Variants in USF2 observed in about 807,000 individuals in gnomAD.
USF2 encodes upstream stimulatory factor 2.
A neutral mutation model predicts 46.9 loss-of-function variants in USF2; 16 were observed. That is an observed-to-expected ratio of 0.34 (90% CI 0.23 to 0.52). The LOEUF (loss-of-function observed/expected upper bound fraction) is 0.52. Among genes scored for constraint, USF2 ranks in the 20% least tolerant of loss-of-function variants. The pLI, the probability that USF2 is intolerant of heterozygous loss-of-function variation, is 0.96. For missense variants in USF2, 411 were observed against 474.0 expected, an observed-to-expected ratio of 0.87 and a Z score of 1.23; for synonymous variants, 239 against 194.1, an observed-to-expected ratio of 1.23 and a Z score of -1.92.
rs1477529917 is a variant in USF2 at position 35,269,833 on chromosome 19, G to A, written c.259G>A (p.Gly87Ser). The change falls in exon 4 of 10, where the codon GGT (glycine) becomes AGT (serine). Residue 87 changes from glycine to serine, a missense_variant. By Grantham distance (56) the Gly-to-Ser change is moderately conservative. Transcript: ENST00000222305. ...VTYRVVQVTD[G>S]QLDGQGDTAG... is the part of the protein sequence containing the mutation. ...ATACCGCGTAGTCCAGGTGACTGATGGTCAGCTGGACGGCCAGGGCGACAC... is the reference window on the plus strand; with the variant it reads ...ATACCGCGTAGTCCAGGTGACTGATAGTCAGCTGGACGGCCAGGGCGACAC... The A allele has an allele frequency of 4.8e-6, 7 of 1,454,562 alleles. No individual in the cohort carries two copies. The Admixed American group carries it at 1.9e-4, about 40-fold the overall frequency. 90.1% of individuals were successfully genotyped at this position (1,454,562 alleles called of 1,614,324 possible). A position where few individuals can be genotyped will look rare whatever the true frequency, so the allele number is the denominator to read the frequency against.
At chr19:35,273,889 C>T (rs1187987082) in intron 7 of USF2, among the ~76,000 whole-genome samples, 4 of 152,246 alleles carry the variant, frequency 2.6e-5, no homozygotes, top group East Asian at 1.9e-4. Flanking sequence ...AGGTGTATGA[C>T]TTGTGAGGCC....
At position 35,269,068 on chromosome 19, in the gene USF2, CGGGCCCCGCGCCCCCCCCGCCCCCG is replaced by C; in HGVS notation, c.-33_-9del. ...CCCTCCCCTCCCCTCCCCTCCCCCC[CGGGCCCCGCGCCCCCCCCGCCCCCG>C]CCCCCCCCATGGACATGCTGGACCC... On this transcript the variant is annotated 5_prime_UTR_variant, in exon 1 of 10. Transcript: ENST00000222305. 1 of 73,752 alleles carries C rather than the reference CGGGCCCCGCGCCCCCCCCGCCCCCG, an allele frequency of 1.4e-5. No individual in the cohort carries two copies. The highest frequency in any genetic ancestry group is 2.9e-5 in the Non-Finnish European group (1 of 34,244). 4.6% of individuals were successfully genotyped at this position (73,752 alleles called of 1,614,324 possible).
chr19:35,270,157 C>T (rs1272143375), intron 4 of USF2, 154 bp downstream of exon 4: 5 of 1,016,312 alleles, frequency 4.9e-6, no homozygotes, highest in African/African-American at 3.3e-5. Context: ...TGTTGTGCAC[C>T]GTGAAACCTG....
At position 35,271,090 on chromosome 19, in the gene USF2, G is replaced by T; in HGVS notation, c.676G>T (p.Asp226Tyr). Residue 226 changes from aspartate (D) to tyrosine (Y), a missense_variant, in exon 7 of 10, where the codon GAT (aspartate) becomes TAT (tyrosine). By Grantham distance (160) the Asp-to-Tyr change is radical. Around this residue, in one of 2 missense-constraint regions of USF2, gnomAD observed 318 missense variants for 322.4 expected, o/e 0.99. Coordinates refer to ENST00000222305, the MANE Select transcript of USF2 (RefSeq NM_003367.4). ...TTTTTCCTCCTCTTGTAGAAAAATT[G>T]ATGGAACCAGAACACCCCGAGATGA... is the stretch of plus-strand genomic sequence containing the variant. ...PRTHPYSPKI[D>Y]GTRTPRDERR... 6.2e-7 allele frequency: 1 copy of T among 1,613,786 alleles called. No homozygotes were observed. The highest frequency in any genetic ancestry group is 8.5e-7 in the Non-Finnish European group (1 of 1,179,940).
At position 35,270,114 on chromosome 19, in the gene USF2, C is replaced by T. The variant is rs1273589424; in HGVS notation, c.429+111C>T. 5 of 1,220,038 alleles carry T rather than the reference C, an allele frequency of 4.1e-6. No homozygotes were observed. In the African/African-American group the frequency reaches 4.8e-5, roughly 12 times the overall value. 75.6% of individuals were successfully genotyped at this position (1,220,038 alleles called of 1,614,324 possible). ...GCAGGTGTCGCCCAGCGGATGCTGC[C>T]TTCAGGCCTCAGGCTGCATGGGGCC... On this transcript the variant is annotated intron_variant, in intron 4 of 9. Coordinates refer to ENST00000222305, the MANE Select transcript of USF2 (RefSeq NM_003367.4).
At position 35,269,838 on chromosome 19, in the gene USF2, G is replaced by T; in HGVS notation, c.264G>T (p.Gln88His). 1 of 1,449,212 alleles carries T rather than the reference G, an allele frequency of 6.9e-7. No individual in the cohort carries two copies. The highest frequency in any genetic ancestry group is 3.0e-5 in the East Asian group (1 of 33,894). 89.8% of individuals were successfully genotyped at this position (1,449,212 alleles called of 1,614,324 possible). The change falls in exon 4 of 10, where the codon CAG becomes CAT. Residue 88 changes from glutamine (Q) to histidine (H), a missense_variant. Coordinates refer to ENST00000222305, the MANE Select transcript of USF2 (RefSeq NM_003367.4). ...GCGTAGTCCAGGTGACTGATGGTCA[G>T]CTGGACGGCCAGGGCGACACAGCTG... ...TYRVVQVTDG[Q>H]LDGQGDTAGA...
In USF2 at chr19:35,279,543, A is replaced by G. The variant is rs756885303; in HGVS notation, c.*287A>G. ...GTGGTCTCACCTGGAGGCAAGAGGGAGGGGACAGAGGCCCTGCCACGTCCC... is the reference window on the plus strand; with the variant it reads ...GTGGTCTCACCTGGAGGCAAGAGGGGGGGGACAGAGGCCCTGCCACGTCCC... On this transcript the variant is annotated 3_prime_UTR_variant, in exon 10 of 10. Coordinates refer to ENST00000222305, the MANE Select transcript of USF2 (RefSeq NM_003367.4). 41 of 387,560 alleles carry G rather than the reference A, an allele frequency of 1.1e-4. No individual in the cohort carries two copies. The highest frequency in any genetic ancestry group is 1.9e-4 in the Non-Finnish European group (41 of 217,518). 24.0% of individuals were successfully genotyped at this position (387,560 alleles called of 1,614,324 possible).
chr19:35,269,853 C>G lies in USF2; in HGVS notation c.279C>G (p.Gly93=), dbSNP rs368165249. 3,992 of 1,434,008 alleles carry G rather than the reference C, an allele frequency of 2.8e-3. 11 individuals carry two copies. The highest frequency in any genetic ancestry group is 3.3e-3 in the Non-Finnish European group (3,626 of 1,102,854). The allele number at this position is 1,434,008 out of a possible 1,614,324, so 88.8% of individuals were successfully genotyped here. The part of the protein sequence containing the change: ...QVTDGQLDGQ[G]DTAGAVSVVS... Reference sequence around the variant, plus strand: ...CTGATGGTCAGCTGGACGGCCAGGGCGACACAGCTGGCGCCGTCAGCGTCG... The same window carrying G: ...CTGATGGTCAGCTGGACGGCCAGGGGGACACAGCTGGCGCCGTCAGCGTCG... The change falls in exon 4 of 10, where the codon GGC becomes GGG. Residue 93 remains glycine (G), a synonymous_variant. Coordinates refer to ENST00000222305, the MANE Select transcript of USF2 (RefSeq NM_003367.4).
At chr19:35,275,409 A>G (rs2066219307) in intron 7 of USF2, 1 of 147,866 alleles carries the variant, frequency 6.8e-6, no homozygotes, top group Non-Finnish European at 1.5e-5. Context: ...GGCACACCCC[A>G]ACCCCAGCTT....
chr19:35,270,837 G>A (rs761150268), intron 6 of USF2, 32 bp downstream of exon 6: 7 of 1,613,000 alleles, frequency 4.3e-6, no homozygotes, highest in Non-Finnish European at 8.5e-7. Context: ...AGGGCCTGGT[G>A]TTGAAATGGA....
At chr19:35,270,844 T>C (rs1247042788) in intron 6 of USF2, 39 bp downstream of exon 6, 10 of 1,611,496 alleles carry the variant, frequency 6.2e-6, no homozygotes, top group Non-Finnish European at 8.5e-6. Context: ...GGTGTTGAAA[T>C]GGAAGGAAGA....
intron 7 of USF2, among the ~76,000 whole-genome samples, chr19:35,274,717 G>C (rs1347338751): frequency 6.6e-6 from 1 of 152,228 alleles, no homozygotes; most frequent in Non-Finnish European, 1.5e-5. Context: ...GTGGTGGGAA[G>C]ATGGCTTGAG....
chr19:35,278,678 T>C lies in USF2; in HGVS notation c.728-20T>C. ...CATGATCCGTCAGCGAAGCCGTGGCTGTGACTCTGTTTTCCGCAGTGGAGC... is the reference window on the plus strand; with the variant it reads ...CATGATCCGTCAGCGAAGCCGTGGCCGTGACTCTGTTTTCCGCAGTGGAGC... On this transcript the variant is annotated intron_variant, in intron 7 of 9. Coordinates refer to ENST00000222305, the MANE Select transcript of USF2 (RefSeq NM_003367.4). 1 of 1,613,684 alleles carries C rather than the reference T, an allele frequency of 6.2e-7. No homozygotes were observed. Among genetic ancestry groups the C allele is most frequent in the Non-Finnish European group, 8.5e-7 (1 of 1,179,626 alleles).
intron 7 of USF2, chr19:35,275,827 C>T (rs1273636554): frequency 2.0e-5 from 3 of 152,128 alleles, no homozygotes; most frequent in Admixed American, 1.3e-4. Context: ...CCGAATGTGT[C>T]CTAGCTTGGC....
chr19:35,279,265 A>C lies in USF2; in HGVS notation c.*9A>C, dbSNP rs763643724. ...AGGGCACCCGGCAGTGACGCCCGCC[A>C]CCACCACGCAGCCGCCGCCGCCCAC... On this transcript the variant is annotated 3_prime_UTR_variant, in exon 10 of 10. Transcript: ENST00000222305. The C allele has an allele frequency of 1.9e-5, 29 of 1,509,618 alleles. No individual in the cohort carries two copies. The highest frequency in any genetic ancestry group is 2.5e-5 in the Non-Finnish European group (28 of 1,127,888). 93.5% of individuals were successfully genotyped at this position (1,509,618 alleles called of 1,614,324 possible).
chr19:35,274,529 C>T lies in USF2; in HGVS notation c.727+3388C>T, dbSNP rs367738610. 9.2e-5 allele frequency among the ~76,000 whole-genome samples: 14 copies of T among 152,254 alleles called. 1 individual carries two copies. In the South Asian group the frequency reaches 1.7e-3, roughly 18 times the overall value. On this transcript the variant is annotated intron_variant, in intron 7 of 9. Coordinates refer to ENST00000222305, the MANE Select transcript of USF2 (RefSeq NM_003367.4). The stretch of plus-strand genomic sequence containing the variant: ...GTGTGTGGCTGGGTGTGGTGGCTCC[C>T]GCCCGGAATCCCAGCACTTTTGGGA...
rs777879952 is a variant in USF2 at position 35,279,284 on chromosome 19, C to T, written c.*28C>T. ...CCCGCCACCACCACGCAGCCGCCGCCGCCCACGCCGGCCTCTGCTGCCCCC... is the reference window on the plus strand; with the variant it reads ...CCCGCCACCACCACGCAGCCGCCGCTGCCCACGCCGGCCTCTGCTGCCCCC... On this transcript the variant is annotated 3_prime_UTR_variant, in exon 10 of 10. Coordinates refer to ENST00000222305, the MANE Select transcript of USF2 (RefSeq NM_003367.4). 2.9e-5 allele frequency: 43 copies of T among 1,477,804 alleles called. No individual in the cohort carries two copies. In the African/African-American group the frequency reaches 3.1e-4, roughly 11 times the overall value. The allele number at this position is 1,477,804 out of a possible 1,614,324, so 91.5% of individuals were successfully genotyped here. A position where few individuals can be genotyped will look rare whatever the true frequency, so the allele number is the denominator to read the frequency against.
Position 35,271,146 on chromosome 19 carries a change from G to A in USF2, c.727+5G>A, listed in dbSNP as rs185709363. On this transcript the variant is annotated splice_donor_5th_base_variant and intron_variant, in intron 7 of 9. Transcript: ENST00000222305. ...GAAGAGCCCAGCACAACGAAGGTGA[G>A]GACAAGGTGTGGCTCCGGGTCCCCC... 6.2e-7 allele frequency: 1 copy of A among 1,613,928 alleles called. No homozygotes were observed. The highest frequency in any genetic ancestry group is 8.5e-7 in the Non-Finnish European group (1 of 1,179,982).
chr19:35,272,798 G>GA (rs2066175730), intron 7 of USF2, among the ~76,000 whole-genome samples: 1 of 151,982 alleles, frequency 6.6e-6, no homozygotes, highest in South Asian at 2.1e-4. Flanking sequence ...GTTTCGTGCT[G>GA]AACTCCCCTC....
Sources: allele counts gnomAD v4.1 joint callset (sites outside exome capture counted in the v4.1 genomes callset), GRCh38; gene constraint gnomAD v4.1.1; regional missense constraint gnomAD v4.1.1; transcripts MANE v1.5; gene names NCBI Gene and HGNC (gene_info 2026-07-23, HGNC 2026-07-21).